Variants in ADAM8 observed in about 807,000 individuals in gnomAD.
ADAM8 encodes ADAM metallopeptidase domain 8, also known as disintegrin and metalloproteinase domain-containing protein 8.
ADAM8 carries 104 observed loss-of-function variants against 102.4 expected under a neutral mutation model. That is an observed-to-expected ratio of 1.02 (90% CI 0.87 to 1.20). The LOEUF (loss-of-function observed/expected upper bound fraction) is 1.20, where lower values mean the gene tolerates loss of function less well. Among genes scored for constraint, ADAM8 ranks in the 50% most tolerant of loss-of-function variants. The pLI, the probability that ADAM8 is intolerant of heterozygous loss-of-function variation, is 0.00. For synonymous variants in ADAM8, 517 were observed against 485.2 expected (o/e 1.07, Z -0.86); for missense variants, 1,132 against 1,159.0 (o/e 0.98, Z 0.34).
rs1049344653 is a variant in ADAM8 at position 133,273,707 on chromosome 10, G to A, written c.383+55C>T. 7.2e-6 allele frequency: 11 copies of A among 1,526,370 alleles called. No homozygotes were observed. In the African/African-American group the frequency reaches 1.5e-4, roughly 21 times the overall value. The allele number at this position is 1,526,370 out of a possible 1,614,324, so 94.6% of individuals were successfully genotyped here. On this transcript the variant is annotated intron_variant, in intron 5 of 22. Transcript: ENST00000445355. Reference sequence around the variant, plus strand: ...CCTCCCTTCCCCACCCCCACCACAGGCTTAGGCCTTCCTCTCCACCTGCGG... The same window carrying A: ...CCTCCCTTCCCCACCCCCACCACAGACTTAGGCCTTCCTCTCCACCTGCGG...
intron 21 of ADAM8, 111 bp from the exon 22 acceptor site, chr10:133,263,876 C>T: frequency 1.0e-6 from 1 of 980,524 alleles, no homozygotes; most frequent in Non-Finnish European, 1.4e-6. Flanking sequence ...CTCGCTCTGC[C>T]CCCCAGGGAG....
rs1335515478 is a variant in ADAM8, at chr10:133,272,230, G to A, written c.920C>T (p.Ser307Phe). The stretch of plus-strand genomic sequence containing the variant: ...CCCTGAGCTGTGGGAGCACATGGCG[G>A]ACACCCTGGCAAACCCCACGGTAGT... ...TGTTVGFARV[S>F]AMCSHSSGAV... Residue 307 changes from serine (S) to phenylalanine (F), a missense_variant, in exon 10 of 23, where the codon TCC becomes TTC. Coordinates refer to ENST00000445355, the MANE Select transcript of ADAM8 (RefSeq NM_001109.5). 1 of 1,548,854 alleles carries A rather than the reference G, an allele frequency of 6.5e-7. No individual in the cohort carries two copies. Among genetic ancestry groups the A allele is most frequent in the East Asian group, 2.4e-5 (1 of 40,888 alleles).
chr10:133,272,325 C>CCA, intron 9 of ADAM8, 51 bp from the exon 10 acceptor site: 2 of 761,718 alleles, frequency 2.6e-6, no homozygotes, highest in Non-Finnish European at 4.1e-6. Flanking sequence ...CTCCCCACTT[C>CCA]CCTCCCACCC....
chr10:133,274,477 G>A lies in ADAM8; in HGVS notation c.151-242C>T, dbSNP rs1030927236. ...GAGTGGAGGGTGGAGGGTGGAGGCG[G>A]GGGGCGGAGGGCAGAGGGTGGGGGG... On this transcript the variant is annotated intron_variant, in intron 2 of 22. Coordinates refer to ENST00000445355, the MANE Select transcript of ADAM8 (RefSeq NM_001109.5). 1.2e-3 allele frequency among the ~76,000 whole-genome samples: 136 copies of A among 116,770 alleles called. 1 individual carries two copies. In the Middle Eastern group the frequency reaches 0.012, roughly 11 times the overall value. 76.6% of individuals were successfully genotyped at this position (116,770 alleles called of 152,430 possible). A position where few individuals can be genotyped will look rare whatever the true frequency, so the allele number is the denominator to read the frequency against.
chr10:133,268,240 A>T, intron 19 of ADAM8, 122 bp from the exon 20 acceptor site: 1 of 928,474 alleles, frequency 1.1e-6, no homozygotes, highest in Non-Finnish European at 1.4e-6. Context: ...GGTTGTGGCC[A>T]TGAGAGACAG....
In ADAM8 at chr10:133,273,391, C is replaced by CTTCA; in HGVS notation, c.432_435dup (p.Gly146Ter). 6.5e-7 allele frequency: 1 copy of CTTCA among 1,550,328 alleles called. No homozygotes were observed. The highest frequency in any genetic ancestry group is 8.7e-7 in the Non-Finnish European group (1 of 1,146,974). On this transcript the variant is annotated stop_gained and frameshift_variant, in exon 6 of 23. Transcript: ENST00000445355. LOFTEE classifies it high-confidence loss of function. ...ACGGCGTGCCGTCCGCCCTCGCCACCTTCATCCAGGGGCTCGATCAGGTGC... is the reference window on the plus strand; with the variant it reads ...ACGGCGTGCCGTCCGCCCTCGCCACCTTCATTCATCCAGGGGCTCGATCAGGTGC...
At chr10:133,267,078 G>A (rs552243951) in intron 21 of ADAM8, among the ~76,000 whole-genome samples, 1 of 152,296 alleles carries the variant, frequency 6.6e-6, no homozygotes, top group African/African-American at 2.4e-5. Flanking sequence ...TCTGGGAGGG[G>A]CTTGGTGGGC....
chr10:133,263,931 C>T (rs956060357), intron 21 of ADAM8, 166 bp from the exon 22 acceptor site: 18 of 530,636 alleles, frequency 3.4e-5, no homozygotes, highest in African/African-American at 3.4e-4. Flanking sequence ...AAAAGCCCTC[C>T]TGGCTGCCAC....
rs115993080 is a variant in ADAM8 at position 133,272,049 on chromosome 10, C to T, written c.958-95G>A. On this transcript the variant is annotated intron_variant, in intron 10 of 22. Coordinates refer to ENST00000445355, the MANE Select transcript of ADAM8 (RefSeq NM_001109.5). ...GGGCCCAGGACTTGGCACAGCTTCC[C>T]GCCAACACCACCTTAAAACATAAAA... 4.8e-4 allele frequency: 747 copies of T among 1,555,758 alleles called. 2 individuals are homozygous for T. In the African/African-American group the frequency reaches 9.1e-3, roughly 19 times the overall value.
At chr10:133,274,447 G>A (rs1364193795) in intron 2 of ADAM8, among the ~76,000 whole-genome samples, 1 of 110,684 alleles carries the variant, frequency 9.0e-6, no homozygotes, top group Non-Finnish European at 1.9e-5. Flanking sequence ...AAGGTGGAGG[G>A]TGGAGAGTGG....
chr10:133,268,070 G>A lies in ADAM8; in HGVS notation c.2112C>T (p.His704=), dbSNP rs751723101. The change falls in exon 20 of 23, where the codon CAC becomes CAT. Residue 704 remains histidine (H), a synonymous_variant. Transcript: ENST00000445355. ...TGGCCGGCACGCGGCTGGCAGCCTG[G>A]TGGAACAGGGGGTTGGAGCGCCCCA... ...TTMGRSNPLF[H]QAASRVPAKG... is the part of the protein sequence containing the mutation. 1.4e-5 allele frequency: 18 copies of A among 1,272,926 alleles called. No individual in the cohort carries two copies. Among genetic ancestry groups the A allele is most frequent in the Non-Finnish European group, 1.7e-5 (17 of 1,002,346 alleles). The allele number at this position is 1,272,926 out of a possible 1,614,324, so 78.9% of individuals were successfully genotyped here.
At chr10:133,266,830 A>G (rs1194225904) in intron 21 of ADAM8, among the ~76,000 whole-genome samples, 1 of 152,192 alleles carries the variant, frequency 6.6e-6, no homozygotes, top group Non-Finnish European at 1.5e-5. Context: ...CTCCAAGGTT[A>G]GCCCAGAGGT....
At position 133,272,402 on chromosome 10, in the gene ADAM8, C is replaced by T. The variant is rs761670990; in HGVS notation, c.875+14G>A. On this transcript the variant is annotated intron_variant, in intron 9 of 22. Coordinates refer to ENST00000445355, the MANE Select transcript of ADAM8 (RefSeq NM_001109.5). ...TCCCCAGCCCTCCCCACCCTGCCCGCTCCGCCAGCTCACGTGATGAGCTGT... is the reference window on the plus strand; with the variant it reads ...TCCCCAGCCCTCCCCACCCTGCCCGTTCCGCCAGCTCACGTGATGAGCTGT... 1 of 1,568,576 alleles carries T rather than the reference C, an allele frequency of 6.4e-7. No homozygotes were observed. The highest frequency in any genetic ancestry group is 1.2e-5 in the South Asian group (1 of 86,894).
rs907652792 is a variant in ADAM8, at chr10:133,272,202, A to C, written c.948T>G (p.Ala316=). 6.5e-7 allele frequency: 1 copy of C among 1,549,892 alleles called. No homozygotes were observed. The highest frequency in any genetic ancestry group is 8.7e-7 in the Non-Finnish European group (1 of 1,146,724). ...GCAGGAGCCCCCTCACCTGGTTCAC[A>C]GCCCCTGAGCTGTGGGAGCACATGG... is the stretch of plus-strand genomic sequence containing the variant. ...VSAMCSHSSG[A]VNQDHSKNPV... is the part of the protein sequence containing the mutation. Residue 316 remains alanine, a synonymous_variant, in exon 10 of 23, where the codon GCT becomes GCG. Transcript: ENST00000445355.
intron 22 of ADAM8, 114 bp downstream of exon 22, chr10:133,263,574 A>T: frequency 5.4e-6 from 1 of 184,810 alleles, no homozygotes; most frequent in Non-Finnish European, 7.4e-6. Flanking sequence ...AAGTTTATCC[A>T]CAGATAATCA....
At position 133,270,905 on chromosome 10, in the gene ADAM8, G is replaced by A. The variant is rs754558649; in HGVS notation, c.1540C>T (p.Gln514Ter). The A allele has an allele frequency of 6.8e-6, 11 of 1,612,146 alleles. No homozygotes were observed. The highest frequency in any genetic ancestry group is 7.6e-6 in the Non-Finnish European group (9 of 1,179,498). The change falls in exon 14 of 23, where the codon CAG (glutamine) becomes TAG (stop). Residue 514 changes from glutamine to a stop codon, truncating the protein, a stop_gained. Transcript: ENST00000445355. LOFTEE classifies it high-confidence loss of function. ...YNGACPTLAQ[Q>*]CQAFWGPGGQ... is the part of the protein sequence containing the mutation. ...CCTGGCCCCCAGAAGGCCTGGCACT[G>A]CTGGGCCAGTGTGGGACAGGCCCCG...
At chr10:133,263,641 C>CCACTGTCAGCCCCGTGGGGAGGCCGTGA in intron 22 of ADAM8, 47 bp downstream of exon 22, 5 of 1,483,616 alleles carry the variant, frequency 3.4e-6, no homozygotes, top group Admixed American at 2.3e-5. Flanking sequence ...GGAGGCCGTG[C>CCACTGTCAGCCCCGTGGGGAGGCCGTGA]CGTCCATTGC....
At chr10:133,264,498 A>C (rs533392893) in intron 21 of ADAM8, among the ~76,000 whole-genome samples, 2 of 152,204 alleles carry the variant, frequency 1.3e-5, no homozygotes, top group Admixed American at 1.3e-4. Context: ...AGAGCTGTGG[A>C]GCTCACTCCT....
intron 22 of ADAM8, 152 bp from the exon 23 acceptor site, chr10:133,263,385 G>C (rs1846221455): frequency 1.3e-6 from 1 of 783,206 alleles, no homozygotes. Flanking sequence ...ACAATGGCAG[G>C]TGTGGCAGTC....
Sources: allele counts gnomAD v4.1 joint callset (sites outside exome capture counted in the v4.1 genomes callset), GRCh38; gene constraint gnomAD v4.1.1; transcripts MANE v1.5; gene names NCBI Gene and HGNC (gene_info 2026-07-23, HGNC 2026-07-21).